TANGO6: variants seen among roughly 807,000 people sequenced by gnomAD.
TANGO6 encodes the protein transport and Golgi organization protein 6 homolog.
TANGO6 carries 90 observed loss-of-function variants against 114.2 expected under a neutral mutation model. The observed-to-expected ratio is 0.79, with a 90% CI of 0.66 to 0.94. The LOEUF is 0.94. TANGO6 is among the 40% of genes least tolerant of loss of function. The pLI, the probability that TANGO6 is intolerant of heterozygous loss-of-function variation, is 0.00. For missense variants in TANGO6, 1,274 were observed against 1,315.3 expected (o/e 0.97, Z 0.49); for synonymous variants, 477 against 509.8 (o/e 0.94, Z 0.87).
At chr16:68,881,645 A>C (rs930477540) in intron 7 of TANGO6, among the ~76,000 whole-genome samples, 3 of 152,240 alleles carry the variant, frequency 2.0e-5, no homozygotes, top group African/African-American at 7.2e-5. Context: ...AAGTCTGAAT[A>C]AATGATTCCT....
At chr16:68,858,788 T>C (rs1313762742) in intron 1 of TANGO6, among the ~76,000 whole-genome samples, 1 of 152,200 alleles carries the variant, frequency 6.6e-6, no homozygotes, top group Non-Finnish European at 1.5e-5. Context: ...TGGTCCTTTT[T>C]ACTTTTCTGA....
chr16:69,075,848 C>A (rs1433622890), intron 17 of TANGO6, among the ~76,000 whole-genome samples: 7 of 149,900 alleles, frequency 4.7e-5, no homozygotes, highest in Admixed American at 2.7e-4. Context: ...CTCACTGCAA[C>A]CTCTGCCTCC....
At chr16:68,980,036 C>T (rs149349823) in intron 15 of TANGO6, among the ~76,000 whole-genome samples, 3 of 151,418 alleles carry the variant, frequency 2.0e-5, no homozygotes, top group Admixed American at 1.3e-4. Flanking sequence ...TTAGTAGAGA[C>T]GGGGTTTCAC....
intron 7 of TANGO6, among the ~76,000 whole-genome samples, chr16:68,886,699 C>T (rs200880602): frequency 6.3e-4 from 96 of 151,790 alleles, no homozygotes; most frequent in African/African-American, 1.6e-3. Context: ...TTAGTAGAGA[C>T]GGGGTTTCAC....
intron 17 of TANGO6, among the ~76,000 whole-genome samples, chr16:69,076,836 C>T (rs1960386951): frequency 6.6e-6 from 1 of 152,120 alleles, no homozygotes; most frequent in Admixed American, 6.6e-5. Flanking sequence ...ACCTCCTCCA[C>T]TGACATTCAC....
intron 17 of TANGO6, among the ~76,000 whole-genome samples, chr16:69,059,294 A>T (rs1887118447): frequency 6.6e-6 from 1 of 151,230 alleles, no homozygotes; most frequent in Non-Finnish European, 1.5e-5. Context: ...CTGGTCTCGA[A>T]CTCCTGACCT....
At chr16:68,959,533 G>T (rs889158352) in intron 14 of TANGO6, among the ~76,000 whole-genome samples, 6 of 152,098 alleles carry the variant, frequency 3.9e-5, no homozygotes, top group Non-Finnish European at 7.4e-5. Flanking sequence ...GTTGCAGTGA[G>T]CCAAGATCAC....
intron 4 of TANGO6, among the ~76,000 whole-genome samples, chr16:68,872,342 C>A (rs1240643394): frequency 6.6e-6 from 1 of 151,042 alleles, no homozygotes; most frequent in Non-Finnish European, 1.5e-5. Flanking sequence ...TGCTCTGTCA[C>A]CCAGGCTGGA....
intron 17 of TANGO6, among the ~76,000 whole-genome samples, chr16:69,074,781 C>A (rs1960346723): frequency 6.7e-6 from 1 of 149,936 alleles, no homozygotes; most frequent in African/African-American, 2.5e-5. Flanking sequence ...AAAATGGAGT[C>A]ACTCTGGTTC....
chr16:69,048,384 G>GA (rs1201352330), intron 17 of TANGO6, among the ~76,000 whole-genome samples: 28 of 150,322 alleles, frequency 1.9e-4, no homozygotes, highest in Non-Finnish European at 3.4e-4. Flanking sequence ...TTACAGGCGT[G>GA]AACCACTGTG....
chr16:68,895,939 A>T (rs113954143), intron 7 of TANGO6, among the ~76,000 whole-genome samples: 4,285 of 148,658 alleles, frequency 0.029, 158 homozygotes, highest in African/African-American at 0.082. Flanking sequence ...TTTTAATTTT[A>T]ATTTTATTTT....
chr16:68,879,877 A>T (rs1962430079), intron 6 of TANGO6, among the ~76,000 whole-genome samples: 2 of 151,828 alleles, frequency 1.3e-5, no homozygotes, highest in South Asian at 4.2e-4. Flanking sequence ...CGGCCTCCTA[A>T]AGTGCTGGGA....
chr16:68,846,688 G>A (rs1311237279), intron 1 of TANGO6: 1 of 145,244 alleles, frequency 6.9e-6, no homozygotes, highest in Non-Finnish European at 1.4e-5. Flanking sequence ...TTTTTTTTTA[G>A]TAGAGACAGG....
In TANGO6 at chr16:68,947,183, C is replaced by T. The variant is rs1356348655; in HGVS notation, c.2701+16888C>T. 2.0e-5 allele frequency among the ~76,000 whole-genome samples: 3 copies of T among 152,232 alleles called. No homozygotes were observed. The East Asian group carries it at 5.8e-4, about 29-fold the overall frequency. ...CTATCTTTAAAATTTAAAGGCTGGG[C>T]GCAGTGGCTCACGCCTGTAATCCCA... On this transcript the variant is annotated intron_variant, in intron 14 of 17. Coordinates refer to ENST00000261778, the MANE Select transcript of TANGO6 (RefSeq NM_024562.2).
intron 15 of TANGO6, among the ~76,000 whole-genome samples, chr16:68,998,422 A>G (rs1367360052): frequency 6.6e-6 from 1 of 152,190 alleles, no homozygotes; most frequent in African/African-American, 2.4e-5. Flanking sequence ...TACTAAAGAC[A>G]AATCATGGTA....
intron 4 of TANGO6, among the ~76,000 whole-genome samples, chr16:68,873,085 T>C (rs747485467): frequency 2.0e-5 from 3 of 151,744 alleles, no homozygotes; most frequent in Non-Finnish European, 4.4e-5. Context: ...CCAATATCTA[T>C]TTCCAGAACA....
chr16:68,868,727 G>T (rs1163013354), intron 4 of TANGO6, among the ~76,000 whole-genome samples: 1 of 151,854 alleles, frequency 6.6e-6, no homozygotes, highest in Non-Finnish European at 1.5e-5. Flanking sequence ...TTGATCTTCT[G>T]ACCTCGTGAT....
At chr16:68,881,667 C>T (rs984608736) in intron 7 of TANGO6, among the ~76,000 whole-genome samples, 2 of 152,062 alleles carry the variant, frequency 1.3e-5, no homozygotes, top group East Asian at 3.8e-4. Flanking sequence ...CAAATGACTA[C>T]ATAAATATAT....
At position 68,978,925 on chromosome 16, in the gene TANGO6, A is replaced by ATT. The variant is rs58270481; in HGVS notation, c.2842+4773_2842+4774dup. Among the ~76,000 whole-genome samples the ATT allele has an allele frequency of 2.8e-3, 376 of 134,632 alleles. 9 individuals carry two copies. The South Asian group carries it at 0.03, about 11-fold the overall frequency. 88.3% of individuals were successfully genotyped at this position (134,632 alleles called of 152,430 possible). A position where few individuals can be genotyped will look rare whatever the true frequency, so the allele number is the denominator to read the frequency against. ...TACAGTAAAGTATATAAAGTATATG[A>ATT]TTTTTTTTTTTTTTTTTGAGACAGG... On this transcript the variant is annotated intron_variant, in intron 15 of 17. Coordinates refer to ENST00000261778, the MANE Select transcript of TANGO6 (RefSeq NM_024562.2).
Sources: gnomAD v4.1 joint callset for allele counts (sites outside exome capture counted in the v4.1 genomes callset) on GRCh38, gnomAD v4.1.1 for gene constraint, MANE v1.5 for transcripts, NCBI Gene and HGNC (gene_info 2026-07-23, HGNC 2026-07-21) for gene names.